The following MTOR variants were observed in gnomAD, a reference collection of about 807,000 sequenced individuals.
MTOR encodes mechanistic target of rapamycin kinase.
MTOR carries 70 observed loss-of-function variants against 319.8 expected under a neutral mutation model. The observed-to-expected ratio is 0.22, with a 90% CI of 0.18 to 0.27. The LOEUF is 0.27. Among genes scored for constraint, MTOR ranks in the 10% least tolerant of loss-of-function variants. The probability of loss-of-function intolerance (pLI) is 1.00; values close to 1 mark genes in which losing one functional copy is unlikely to be tolerated. For missense variants in MTOR, 1,890 were observed against 3,274.4 expected, an observed-to-expected ratio of 0.58 and a Z score of 10.32; for synonymous variants, 1,183 against 1,211.4, an observed-to-expected ratio of 0.98 and a Z score of 0.49.
chr1:11,175,164 C>G (rs1352610736), intron 28 of MTOR, among the ~76,000 whole-genome samples: 1 of 152,158 alleles, frequency 6.6e-6, no homozygotes, highest in Non-Finnish European at 1.5e-5. Flanking sequence ...CATCCAGTTG[C>G]TATCATACAG....
At chr1:11,189,704 C>A (rs773163030) in intron 28 of MTOR, 3 of 1,614,182 alleles carry the variant, frequency 1.9e-6, no homozygotes, top group Non-Finnish European at 2.5e-6. Flanking sequence ...CAGCTCAAAG[C>A]GGCCAACTGC....
chr1:11,127,542 TA>T lies in MTOR; in HGVS notation c.6216+81del. ...CCTTGGGTCACGTCCTTTCATTCTATAAAAACTTTTCTCATTTCATTTTTTT... is the reference window on the plus strand; with the variant it reads ...CCTTGGGTCACGTCCTTTCATTCTATAAAACTTTTCTCATTTCATTTTTTT... On this transcript the variant is annotated intron_variant, in intron 44 of 57. Transcript: ENST00000361445. This position sits in a 1 kb window ranked among gnomAD's most constrained non-coding sequence, Gnocchi z 5.5. 1 of 1,490,702 alleles carries T rather than the reference TA, an allele frequency of 6.7e-7. No homozygotes were observed. Among genetic ancestry groups the T allele is most frequent in the Non-Finnish European group, 9.0e-7 (1 of 1,110,726 alleles). 92.3% of individuals were successfully genotyped at this position (1,490,702 alleles called of 1,614,324 possible). A position where few individuals can be genotyped will look rare whatever the true frequency, so the allele number is the denominator to read the frequency against.
At chr1:11,226,552 A>G (rs1646844304) in intron 19 of MTOR, among the ~76,000 whole-genome samples, 1 of 150,904 alleles carries the variant, frequency 6.6e-6, no homozygotes, top group African/African-American at 2.5e-5. Flanking sequence ...GTGCTTTGGG[A>G]GGCCAAGGTG....
chr1:11,122,202 C>CTA, intron 47 of MTOR, 76 bp from the exon 48 acceptor site: 2 of 1,521,846 alleles, frequency 1.3e-6, no homozygotes, highest in South Asian at 2.5e-5. Context: ...CACAGGCAGA[C>CTA]TGTTTTTTTT....
intron 54 of MTOR, among the ~76,000 whole-genome samples, chr1:11,112,336 G>A (rs1031071165): frequency 2.0e-5 from 3 of 152,168 alleles, no homozygotes; most frequent in Admixed American, 2.0e-4. Flanking sequence ...TTTAAACTGT[G>A]TTTTTACAGA....
chr1:11,141,390 G>A (rs1643695934), intron 34 of MTOR, among the ~76,000 whole-genome samples: 1 of 151,894 alleles, frequency 6.6e-6, no homozygotes, highest in Non-Finnish European at 1.5e-5. Context: ...TGGGATTACA[G>A]GTGGGATCGT....
At chr1:11,139,796 AT>A in intron 34 of MTOR, 138 bp from the exon 35 acceptor site, 1 of 1,048,946 alleles carries the variant, frequency 9.5e-7, no homozygotes, top group South Asian at 1.5e-5. Context: ...GGTTCAAGCA[AT>A]TCTCCTGCCT....
chr1:11,209,518 A>G, intron 24 of MTOR, 60 bp from the exon 25 acceptor site: 1 of 1,591,534 alleles, frequency 6.3e-7, no homozygotes, highest in Non-Finnish European at 8.6e-7. Flanking sequence ...TGGTTTAGGA[A>G]ATATCCTTAA....
chr1:11,117,916 C>T (rs1239478939), intron 49 of MTOR, among the ~76,000 whole-genome samples: 3 of 151,890 alleles, frequency 2.0e-5, no homozygotes, highest in African/African-American at 7.3e-5. Context: ...CCCGTTTCTA[C>T]TAAAAATGCA....
chr1:11,169,732 T>C (rs1644752308), intron 28 of MTOR, among the ~76,000 whole-genome samples: 1 of 152,208 alleles, frequency 6.6e-6, no homozygotes, highest in South Asian at 2.1e-4. Flanking sequence ...GTAGGACATA[T>C]TTAACTCATC....
intron 47 of MTOR, among the ~76,000 whole-genome samples, chr1:11,123,317 C>T (rs1424846484): frequency 6.6e-6 from 1 of 151,992 alleles, no homozygotes; most frequent in African/African-American, 2.4e-5. Flanking sequence ...AGCACAGTTG[C>T]CCCATCACAG....
chr1:11,195,451 G>A (rs891725948), intron 28 of MTOR: 3 of 158,550 alleles, frequency 1.9e-5, no homozygotes, highest in East Asian at 1.9e-4. Context: ...CAAAGGATAG[G>A]CCTTTGAGTG....
chr1:11,211,934 G>C (rs921091248), intron 23 of MTOR, among the ~76,000 whole-genome samples: 2 of 151,924 alleles, frequency 1.3e-5, no homozygotes, highest in African/African-American at 4.8e-5. Context: ...TTTGCAACCA[G>C]GCCTTTATTT....
At chr1:11,138,022 A>G (rs1344968924) in intron 36 of MTOR, among the ~76,000 whole-genome samples, 1 of 152,182 alleles carries the variant, frequency 6.6e-6, no homozygotes, top group African/African-American at 2.4e-5. Flanking sequence ...TAGGTTCCTG[A>G]TTTTTAATTC....
intron 28 of MTOR, among the ~76,000 whole-genome samples, chr1:11,173,250 T>C (rs1268652868): frequency 6.6e-6 from 1 of 152,050 alleles, no homozygotes; most frequent in East Asian, 1.9e-4. Context: ...CGCCTCGGTC[T>C]CCCAAAGTGC....
chr1:11,126,591 G>C, intron 46 of MTOR, 31 bp downstream of exon 46: 1 of 1,607,868 alleles, frequency 6.2e-7, no homozygotes, highest in Middle Eastern at 1.8e-4. Context: ...GGAGGGAGAA[G>C]TGGGTGACAG....
rs755335983 is a variant in MTOR, at chr1:11,106,955, T to C, written c.*530A>G. Reference sequence around the variant, plus strand: ...CCTTTTGTACTCATTTTGGCCTATCTTGCAAACATTTCTGCTGCTGTCCAC... The same window carrying C: ...CCTTTTGTACTCATTTTGGCCTATCCTGCAAACATTTCTGCTGCTGTCCAC... On this transcript the variant is annotated 3_prime_UTR_variant, in exon 58 of 58. Coordinates refer to ENST00000361445, the MANE Select transcript of MTOR (RefSeq NM_004958.4). 162 of 1,370,500 alleles carry C rather than the reference T, an allele frequency of 1.2e-4. No individual in the cohort carries two copies. Among genetic ancestry groups the C allele is most frequent in the Non-Finnish European group, 1.5e-4 (156 of 1,038,776 alleles). 84.9% of individuals were successfully genotyped at this position (1,370,500 alleles called of 1,614,324 possible). A position where few individuals can be genotyped will look rare whatever the true frequency, so the allele number is the denominator to read the frequency against.
In MTOR at chr1:11,157,304, A is replaced by G. The variant is rs2100568917; in HGVS notation, c.4330-13T>C. 9.9e-6 allele frequency: 16 copies of G among 1,611,138 alleles called. No individual in the cohort carries two copies. Among genetic ancestry groups the G allele is most frequent in the Non-Finnish European group, 1.4e-5 (16 of 1,178,858 alleles). On this transcript the variant is annotated splice_polypyrimidine_tract_variant and intron_variant, in intron 29 of 57. Coordinates refer to ENST00000361445, the MANE Select transcript of MTOR (RefSeq NM_004958.4). The stretch of plus-strand genomic sequence containing the variant: ...TAGCCTGGATCTCCTGTTACATGGG[A>G]AAGAAAGACTGCTGTGAGGTACACA...
intron 19 of MTOR, among the ~76,000 whole-genome samples, chr1:11,217,066 G>T (rs1410356815): frequency 6.6e-6 from 1 of 152,104 alleles, no homozygotes; most frequent in Non-Finnish European, 1.5e-5. Flanking sequence ...TTGATTATGG[G>T]TATTGTAGCT....
Sources: allele counts gnomAD v4.1 joint callset (sites outside exome capture counted in the v4.1 genomes callset), GRCh38; gene constraint gnomAD v4.1.1; non-coding constraint Gnocchi (gnomAD v3.1); transcripts MANE v1.5; gene names NCBI Gene and HGNC (gene_info 2026-07-23, HGNC 2026-07-21).